METTL15: variants seen among roughly 807,000 people sequenced by gnomAD.
METTL15 encodes the protein methyltransferase 15, mitochondrial 12S rRNA N4-cytidine.
METTL15 carries 34 observed loss-of-function variants against 38.3 expected under a neutral mutation model. That is an observed-to-expected ratio of 0.89 (90% CI 0.68 to 1.18). The LOEUF is 1.18. Ranked by LOEUF, METTL15 falls within the 50% of genes most tolerant of loss-of-function variation. METTL15 has a pLI of 0.00. For synonymous variants in METTL15, 162 were observed against 170.9 expected (o/e 0.95, Z 0.41); for missense variants, 438 against 498.4 (o/e 0.88, Z 1.15).
At chr11:28,524,715 G>A (rs946733484) in intron 6 of METTL15, among the ~76,000 whole-genome samples, 1 of 152,124 alleles carries the variant, frequency 6.6e-6, no homozygotes, top group Admixed American at 6.6e-5. Context: ...CTGAATGAGA[G>A]CCAATATATT....
chr11:28,445,155 A>G (rs572883436), intron 6 of METTL15, among the ~76,000 whole-genome samples: 13 of 152,304 alleles, frequency 8.5e-5, no homozygotes, highest in African/African-American at 2.9e-4. Context: ...ATGAGAAGGC[A>G]GGAATCCTGG....
At chr11:28,412,531 T>C (rs1263521310) in intron 5 of METTL15, among the ~76,000 whole-genome samples, 1 of 152,014 alleles carries the variant, frequency 6.6e-6, no homozygotes, top group African/African-American at 2.4e-5. Flanking sequence ...TATCAGAATA[T>C]ACATGGAATA....
rs1177467859 is a variant in METTL15 at position 28,130,500 on chromosome 11, A to C, written c.270+16896A>C. 2.6e-5 allele frequency among the ~76,000 whole-genome samples: 4 copies of C among 152,166 alleles called. No homozygotes were observed. The East Asian group carries it at 7.7e-4, about 29-fold the overall frequency. On this transcript the variant is annotated intron_variant, in intron 3 of 6. Coordinates refer to ENST00000407364, the MANE Select transcript of METTL15 (RefSeq NM_001113528.2). ...GCATGCTGTTCAAATTAGAGAAGGG[A>C]AAACACAAGCAGATGTATACATGTG...
intron 3 of METTL15, among the ~76,000 whole-genome samples, chr11:28,116,246 T>C (rs1032560529): frequency 1.3e-5 from 2 of 152,278 alleles, no homozygotes; most frequent in East Asian, 3.9e-4. Flanking sequence ...TGATATAATA[T>C]TGAAAACGAA....
chr11:28,402,687 T>C (rs1288526199), intron 5 of METTL15, among the ~76,000 whole-genome samples: 2 of 152,118 alleles, frequency 1.3e-5, no homozygotes, highest in East Asian at 3.9e-4. Flanking sequence ...AATTTCAATT[T>C]GTAGTCTAAT....
At chr11:28,420,993 C>T (rs1343318240) in intron 5 of METTL15, among the ~76,000 whole-genome samples, 1 of 151,604 alleles carries the variant, frequency 6.6e-6, no homozygotes, top group Non-Finnish European at 1.5e-5. Context: ...AGAGAGAAGA[C>T]CCCAAAAAAG....
chr11:28,157,094 G>A (rs142050623), intron 3 of METTL15, among the ~76,000 whole-genome samples: 2,352 of 152,228 alleles, frequency 0.015, 28 homozygotes, highest in Non-Finnish European at 0.023. Flanking sequence ...AACTTGATTG[G>A]ATTGAAGGAT....
chr11:28,457,424 A>G (rs1851178278), intron 6 of METTL15, among the ~76,000 whole-genome samples: 1 of 152,212 alleles, frequency 6.6e-6, no homozygotes, highest in African/African-American at 2.4e-5. Context: ...TTATATTATC[A>G]TAATCCTTAA....
intron 5 of METTL15, among the ~76,000 whole-genome samples, chr11:28,370,749 T>A (rs1330391189): frequency 6.6e-6 from 1 of 152,064 alleles, no homozygotes; most frequent in Non-Finnish European, 1.5e-5. Context: ...GAAGCTGTTT[T>A]AACTACTGTG....
intron 5 of METTL15, among the ~76,000 whole-genome samples, chr11:28,421,957 A>G (rs1372762598): frequency 6.6e-6 from 1 of 152,054 alleles, no homozygotes; most frequent in Non-Finnish European, 1.5e-5. Flanking sequence ...CCCAACCAAA[A>G]AACTACTATT....
At chr11:28,110,948 T>G (rs1288834959) in intron 2 of METTL15, among the ~76,000 whole-genome samples, 1 of 152,198 alleles carries the variant, frequency 6.6e-6, no homozygotes, top group Admixed American at 6.5e-5. Flanking sequence ...GGGAACTTAA[T>G]CTTAAATCAT....
intron 4 of METTL15, among the ~76,000 whole-genome samples, chr11:28,268,138 A>G (rs1469297040): frequency 1.6e-5 from 2 of 126,988 alleles, no homozygotes; most frequent in Non-Finnish European, 3.2e-5. Flanking sequence ...CGGAGCTTGC[A>G]GTGAGCCGAG....
intron 6 of METTL15, among the ~76,000 whole-genome samples, chr11:28,520,144 A>G (rs1266916978): frequency 6.6e-6 from 1 of 152,174 alleles, no homozygotes; most frequent in African/African-American, 2.4e-5. Flanking sequence ...ATTAATGACC[A>G]GCCTGGGCAA....
At chr11:28,394,534 G>T (rs1407700494) in intron 5 of METTL15, among the ~76,000 whole-genome samples, 1 of 152,024 alleles carries the variant, frequency 6.6e-6, no homozygotes, top group African/African-American at 2.4e-5. Context: ...GGCAGAGAAT[G>T]AAAGTTCTCA....
chr11:28,241,886 A>T (rs1340497132), intron 4 of METTL15, among the ~76,000 whole-genome samples: 1 of 152,220 alleles, frequency 6.6e-6, no homozygotes, highest in Non-Finnish European at 1.5e-5. Flanking sequence ...ATGACAGATC[A>T]TGCAAGAGCT....
Position 28,400,974 on chromosome 11 carries a change from T to C in METTL15, c.*359-23325T>C, listed in dbSNP as rs765506462. 7.3e-4 allele frequency among the ~76,000 whole-genome samples: 111 copies of C among 152,070 alleles called. 1 individual carries two copies. The highest frequency in any genetic ancestry group is 1.4e-3 in the Non-Finnish European group (93 of 67,932). On this transcript the variant is annotated intron_variant and NMD_transcript_variant, in intron 5 of 7. Transcript: ENST00000532947. The stretch of plus-strand genomic sequence containing the variant: ...ATTAAGTCTATGTGGTGTACAAAAA[T>C]TCGTGCGTGTGAACAGCTGTCAAGA...
chr11:28,235,579 G>A (rs1344603452), intron 4 of METTL15, among the ~76,000 whole-genome samples: 1 of 152,162 alleles, frequency 6.6e-6, no homozygotes, highest in East Asian at 1.9e-4. Flanking sequence ...TTGTGATTGG[G>A]AGTTCACTCA....
chr11:28,296,981 ATGTGTGCATGTGTT>A (rs1288287103), intron 6 of METTL15, 50 bp downstream of exon 6: 2 of 1,590,412 alleles, frequency 1.3e-6, no homozygotes, highest in Non-Finnish European at 1.7e-6. Flanking sequence ...TTATATTTAC[ATGTGTGCATGTGTT>A]TGTGTGCATG....
chr11:28,421,331 G>A (rs748383535), intron 5 of METTL15, among the ~76,000 whole-genome samples: 2 of 151,978 alleles, frequency 1.3e-5, no homozygotes, highest in Non-Finnish European at 2.9e-5. Context: ...ATGAAAAATA[G>A]AGGTGGAAGT....
Sources: allele counts gnomAD v4.1 joint callset (sites outside exome capture counted in the v4.1 genomes callset), GRCh38; gene constraint gnomAD v4.1.1; transcripts MANE v1.5; gene names NCBI Gene and HGNC (gene_info 2026-07-23, HGNC 2026-07-21).